ZMYM3: variants seen among roughly 807,000 people sequenced by gnomAD.
ZMYM3 encodes zinc finger MYM-type protein 3.
ZMYM3 carries 6 observed loss-of-function variants against 94.2 expected under a neutral mutation model. That is an observed-to-expected ratio of 0.06 (90% CI 0.03 to 0.13). ZMYM3 has a LOEUF of 0.13. Ranked by LOEUF, ZMYM3 falls within the 10% of genes least tolerant of loss-of-function variation. The probability of loss-of-function intolerance (pLI) is 1.00; values close to 1 mark genes in which losing one functional copy is unlikely to be tolerated. For synonymous variants in ZMYM3, 420 were observed against 426.5 expected (o/e 0.98, Z 0.19); for missense variants, 664 against 1,132.6 (o/e 0.59, Z 5.94).
chrX:71,245,698 C>T lies in ZMYM3; in HGVS notation c.2830G>A (p.Glu944Lys). 8.3e-7 allele frequency: 1 copy of T among 1,211,508 alleles called. No homozygotes were observed. Among genetic ancestry groups the T allele is most frequent in the Non-Finnish European group, 1.1e-6 (1 of 895,443 alleles). ...AGGTCAGATGAGGCCTTGTCTAACTCCTCAGCCTCTGCAATCATTTCTGCC... is the reference window on the plus strand; with the variant it reads ...AGGTCAGATGAGGCCTTGTCTAACTTCTCAGCCTCTGCAATCATTTCTGCC... ...AMAEMIAEAE[E>K]LDKASSDLCD... The change falls in exon 17 of 25, where the codon GAG becomes AAG. Residue 944 changes from glutamate (E) to lysine (K), a missense_variant. Transcript: ENST00000314425.
At chrX:71,245,127 TA>T (rs5902685) in intron 18 of ZMYM3, among the ~76,000 whole-genome samples, 12,817 of 42,439 alleles carry the variant, frequency 0.3, 1,249 homozygotes, top group East Asian at 0.47. Flanking sequence ...GCTTAAAAAT[TA>T]AAAAAAAAAA....
Position 71,242,161 on chromosome X carries a change from G to A in ZMYM3, c.3802+9C>T. On this transcript the variant is annotated intron_variant, in intron 23 of 24. Coordinates refer to ENST00000314425, the MANE Select transcript of ZMYM3 (RefSeq NM_201599.3). The stretch of plus-strand genomic sequence containing the variant: ...GGGCAAAAGCACAGGGGAGGGGGCA[G>A]CCTCGTACCTCGCCCTTTCCTCTGG... The A allele has an allele frequency of 8.5e-7, 1 of 1,173,570 alleles. No homozygotes were observed. Among genetic ancestry groups the A allele is most frequent in the Non-Finnish European group, 1.1e-6 (1 of 876,136 alleles).
intron 4 of ZMYM3, 113 bp downstream of exon 4, chrX:71,251,065 G>T: frequency 2.5e-6 from 2 of 799,036 alleles, no homozygotes; most frequent in South Asian, 2.3e-5. Context: ...CACTTCATGC[G>T]CTTCATGGAG....
chrX:71,245,840 C>A lies in ZMYM3; in HGVS notation c.2688G>T (p.Val896=), dbSNP rs745549875. 1.7e-6 allele frequency: 2 copies of A among 1,207,663 alleles called. No homozygotes were observed. Among genetic ancestry groups the A allele is most frequent in the Admixed American group, 4.4e-5 (2 of 45,681 alleles). Residue 896 remains valine (V), a splice_region_variant and synonymous_variant, in exon 17 of 25, where the codon GTG becomes GTT. Transcript: ENST00000314425. ...TAGTGGGCAAGAACATGGGCACAGG[C>A]ACCTGGAGGCACGAATCCCAACTAA... ...VPVPFSMPIP[V]PVPMFLPTTL...
chrX:71,248,742 T>C lies in ZMYM3; in HGVS notation c.1681A>G (p.Lys561Glu). ...AACTGGTAGACTGTGCGGTCAACCTTGTTGTAGTAACAGGGGTCAGAGAGG... is the reference window on the plus strand; with the variant it reads ...AACTGGTAGACTGTGCGGTCAACCTCGTTGTAGTAACAGGGGTCAGAGAGG... ...RSLSDPCYYN[K>E]VDRTVYQFCS... is the part of the protein sequence containing the mutation. The change falls in exon 9 of 25, where the codon AAG becomes GAG. Residue 561 changes from lysine to glutamate, a missense_variant. Lys to Glu is a moderately conservative substitution (Grantham distance 56). This residue lies in a region of ZMYM3 where 159 missense variants were observed against 313.0 expected (regional missense o/e 0.51). Coordinates refer to ENST00000314425, the MANE Select transcript of ZMYM3 (RefSeq NM_201599.3). 8.3e-7 allele frequency: 1 copy of C among 1,208,523 alleles called. No homozygotes were observed. Among genetic ancestry groups the C allele is most frequent in the Non-Finnish European group, 1.1e-6 (1 of 894,055 alleles).
In ZMYM3 at chrX:71,240,658, A is replaced by G. The variant is rs2029906610; in HGVS notation, c.*258T>C. On this transcript the variant is annotated 3_prime_UTR_variant, in exon 25 of 25. Transcript: ENST00000314425. ...AGGAGGGGTTTACTCTGAAGCATAA[A>G]GAAAACGGGCAAGCTGGCTTTTGCC... 2.9e-6 allele frequency: 1 copy of G among 339,334 alleles called. No individual in the cohort carries two copies. The highest frequency in any genetic ancestry group is 4.9e-5 in the Admixed American group (1 of 20,359). The allele number at this position is 339,334 out of a possible 1,213,427, so 28.0% of individuals were successfully genotyped here.
Position 71,240,711 on chromosome X carries a change from C to A in ZMYM3, c.*205G>T. 1 of 409,616 alleles carries A rather than the reference C, an allele frequency of 2.4e-6. No homozygotes were observed. Among genetic ancestry groups the A allele is most frequent in the Non-Finnish European group, 4.1e-6 (1 of 241,310 alleles). 33.8% of individuals were successfully genotyped at this position (409,616 alleles called of 1,213,427 possible). A position where few individuals can be genotyped will look rare whatever the true frequency, so the allele number is the denominator to read the frequency against. Reference sequence around the variant, plus strand: ...TCACTGGGAGACCAGCCCCTGAGTACAGAAGACCAGGGCCCCATGGTTGTC... The same window carrying A: ...TCACTGGGAGACCAGCCCCTGAGTAAAGAAGACCAGGGCCCCATGGTTGTC... On this transcript the variant is annotated 3_prime_UTR_variant, in exon 25 of 25. Transcript: ENST00000314425.
At chrX:71,251,903 T>C in intron 2 of ZMYM3, 1 of 746,019 alleles carries the variant, frequency 1.3e-6, no homozygotes, top group Non-Finnish European at 1.6e-6. Flanking sequence ...AATTTATATT[T>C]TACCAATGAA....
Position 71,252,612 on chromosome X carries a change from G to A in ZMYM3, c.644C>T (p.Pro215Leu). The A allele has an allele frequency of 8.8e-7, 1 of 1,140,839 alleles. No individual in the cohort carries two copies. Among genetic ancestry groups the A allele is most frequent in the Non-Finnish European group, 1.2e-6 (1 of 862,461 alleles). 94.0% of individuals were successfully genotyped at this position (1,140,839 alleles called of 1,213,427 possible). A position where few individuals can be genotyped will look rare whatever the true frequency, so the allele number is the denominator to read the frequency against. The part of the protein sequence containing the change: ...SSQTKPGGSS[P>L]PAHPSLPGDG... ...ACCTGGCAAGGAAGGATGTGCAGGGGGGCTAGAGCCCCCAGGTTTGGTCTG... is the reference window on the plus strand; with the variant it reads ...ACCTGGCAAGGAAGGATGTGCAGGGAGGCTAGAGCCCCCAGGTTTGGTCTG... Residue 215 changes from proline to leucine, a missense_variant, in exon 2 of 25, where the codon CCC becomes CTC. Physicochemically the swap from Pro to Leu is moderately conservative, Grantham distance 98. This residue lies in a region of ZMYM3 where 196 missense variants were observed against 190.8 expected (regional missense o/e 1.03). Coordinates refer to ENST00000314425, the MANE Select transcript of ZMYM3 (RefSeq NM_201599.3).
intron 18 of ZMYM3, 102 bp downstream of exon 18, chrX:71,245,237 A>G: frequency 1.8e-6 from 2 of 1,091,102 alleles, no homozygotes; most frequent in East Asian, 3.1e-5. Flanking sequence ...TAGAATCACA[A>G]TGAACACTTT....
At chrX:71,247,702 T>G (rs756082740) in intron 12 of ZMYM3, 32 bp downstream of exon 12, 16 of 1,194,622 alleles carry the variant, frequency 1.3e-5, no homozygotes, top group Non-Finnish European at 1.8e-5. Context: ...CTGCCCTCTT[T>G]CCCGCCTCGC....
intron 9 of ZMYM3, 79 bp downstream of exon 9, chrX:71,248,607 C>T (rs1216337312): frequency 3.5e-6 from 4 of 1,141,843 alleles, no homozygotes; most frequent in African/African-American, 1.8e-5. Flanking sequence ...CTTTGCTCTG[C>T]CCAGGCCTGC....
At position 71,250,171 on chromosome X, in the gene ZMYM3, G is replaced by A; in HGVS notation, c.1106C>T (p.Ala369Val). The A allele has an allele frequency of 2.5e-6, 3 of 1,193,393 alleles. No homozygotes were observed. The highest frequency in any genetic ancestry group is 1.9e-5 in the South Asian group (1 of 52,947). ...GAAGGAGCCTCCAGAACCAGTCTGC[G>A]CCACAACCGAGTCCTTGGTGTTCCA... ...EIWNTKDSVV[A>V]QTGSGGSFHE... The change falls in exon 6 of 25, where the codon GCG becomes GTG. Residue 369 changes from alanine (A) to valine (V), a missense_variant. Around this residue, in one of 9 missense-constraint regions of ZMYM3, gnomAD observed 51 missense variants for 53.0 expected, o/e 0.96. Coordinates refer to ENST00000314425, the MANE Select transcript of ZMYM3 (RefSeq NM_201599.3).
At position 71,252,636 on chromosome X, in the gene ZMYM3, T is replaced by C; in HGVS notation, c.620A>G (p.Gln207Arg). Reference protein sequence around the residue: ...ETLGDGINSSQTKPGGSSPPA... With the variant: ...ETLGDGINSSRTKPGGSSPPA... ...GGGGCTAGAGCCCCCAGGTTTGGTC[T>C]GAGAACTGTTGATTCCATCCCCCAG... Residue 207 changes from glutamine to arginine, a missense_variant, in exon 2 of 25, where the codon CAG becomes CGG. Transcript: ENST00000314425. 2 of 1,150,556 alleles carry C rather than the reference T, an allele frequency of 1.7e-6. No homozygotes were observed. Among genetic ancestry groups the C allele is most frequent in the Non-Finnish European group, 1.2e-6 (1 of 868,115 alleles). The allele number at this position is 1,150,556 out of a possible 1,213,427, so 94.8% of individuals were successfully genotyped here.
At chrX:71,251,313 T>TC in intron 3 of ZMYM3, 69 bp from the exon 4 acceptor site, 1 of 431,546 alleles carries the variant, frequency 2.3e-6, no homozygotes, top group Admixed American at 4.3e-5. Context: ...GTACAGGGTT[T>TC]GGGGGGGGAT....
At chrX:71,245,955 G>A in intron 16 of ZMYM3, 31 bp downstream of exon 16, 1 of 1,198,189 alleles carries the variant, frequency 8.3e-7, no homozygotes, top group South Asian at 1.8e-5. Context: ...GGGGAAAGGA[G>A]GACCCAGCCA....
Position 71,248,402 on chromosome X carries a change from C to T in ZMYM3, c.1824+36G>A, listed in dbSNP as rs199649828. ...GAAGGACCCCTTCAGACAGTCTGGT[C>T]GTGTGGCAAGACGTGGGTGGGGGTG... On this transcript the variant is annotated intron_variant, in intron 10 of 24. Transcript: ENST00000314425. 1.9e-5 allele frequency: 22 copies of T among 1,185,223 alleles called. No individual in the cohort carries two copies. The African/African-American group carries it at 3.4e-4, about 18-fold the overall frequency.
chrX:71,251,339 G>A (rs1200359140), intron 3 of ZMYM3, 95 bp from the exon 4 acceptor site: 15 of 669,578 alleles, frequency 2.2e-5, no homozygotes, highest in Non-Finnish European at 2.5e-5. Flanking sequence ...ATGGGAGGGG[G>A]AAGGGAGAGT....
Position 71,245,714 on chromosome X carries a change from C to G in ZMYM3, c.2814G>C (p.Met938Ile). Residue 938 changes from methionine (M) to isoleucine (I), a missense_variant, in exon 17 of 25, where the codon ATG becomes ATC. Physicochemically the swap from Met to Ile is conservative, Grantham distance 10. Transcript: ENST00000314425. ...LEADILAMAE[M>I]IAEAEELDKA... is the part of the protein sequence containing the mutation. Reference sequence around the variant, plus strand: ...TGTCTAACTCCTCAGCCTCTGCAATCATTTCTGCCATAGCCAGGATGTCGG... The same window carrying G: ...TGTCTAACTCCTCAGCCTCTGCAATGATTTCTGCCATAGCCAGGATGTCGG... The G allele has an allele frequency of 1.7e-6, 2 of 1,211,563 alleles. No individual in the cohort carries two copies. The highest frequency in any genetic ancestry group is 1.1e-6 in the Non-Finnish European group (1 of 895,461).
Sources: gnomAD v4.1 joint callset for allele counts (sites outside exome capture counted in the v4.1 genomes callset) on GRCh38, gnomAD v4.1.1 for gene constraint, gnomAD v4.1.1 regional missense constraint, MANE v1.5 for transcripts, NCBI Gene and HGNC (gene_info 2026-07-23, HGNC 2026-07-21) for gene names.